Variants in CAND2 observed in about 807,000 individuals in gnomAD.
The protein encoded by CAND2 is cullin associated and neddylation dissociated 2 (putative).
Under a neutral mutation model 98.9 loss-of-function variants are expected in CAND2, and 62 were observed. That is an observed-to-expected ratio of 0.63 (90% CI 0.51 to 0.77). The LOEUF is 0.77. Ranked by LOEUF, CAND2 falls within the 30% of genes least tolerant of loss-of-function variation. The pLI is 0.00. For synonymous variants in CAND2, 770 were observed against 731.9 expected, an observed-to-expected ratio of 1.05 and a Z score of -0.84; for missense variants, 1,501 against 1,655.2, an observed-to-expected ratio of 0.91 and a Z score of 1.62.
In CAND2 at chr3:12,820,146, C is replaced by G. The variant is rs1361390900; in HGVS notation, c.3005C>G (p.Pro1002Arg). The change falls in exon 11 of 15, where the codon CCC becomes CGC. Residue 1002 changes from proline (P) to arginine (R), a missense_variant. Around this residue, in one of 3 missense-constraint regions of CAND2, gnomAD observed 1,427 missense variants for 1,545.3 expected, o/e 0.92. Transcript: ENST00000456430. Reference sequence around the variant, plus strand: ...GTCAAGTTCCTTATCTCGGACCAGCCCCATCCCATTGACCCCCTCCTGAAG... The same window carrying G: ...GTCAAGTTCCTTATCTCGGACCAGCGCCATCCCATTGACCCCCTCCTGAAG... ...TAVKFLISDQPHPIDPLLKSF... is the reference protein window; with the variant it reads ...TAVKFLISDQRHPIDPLLKSF... The G allele has an allele frequency of 2.5e-6, 4 of 1,614,176 alleles. No individual in the cohort carries two copies. Among genetic ancestry groups the G allele is most frequent in the Non-Finnish European group, 1.7e-6 (2 of 1,180,016 alleles).
intron 3 of CAND2, 58 bp from the exon 4 acceptor site, chr3:12,808,152 G>A: frequency 6.5e-7 from 1 of 1,541,698 alleles, no homozygotes; most frequent in Non-Finnish European, 8.8e-7. Flanking sequence ...GACTAGTGGT[G>A]GAGGCTGCCT....
At chr3:12,807,553 C>T (rs2124840890) in intron 3 of CAND2, 93 bp downstream of exon 3, 1 of 1,317,678 alleles carries the variant, frequency 7.6e-7, no homozygotes, top group African/African-American at 1.5e-5. Flanking sequence ...CACTGAGGCT[C>T]AGAGAGTTGA....
intron 4 of CAND2, chr3:12,809,771 G>T: frequency 2.9e-6 from 1 of 347,108 alleles, no homozygotes; most frequent in Non-Finnish European, 5.2e-6. Context: ...CCAAGAAATA[G>T]GGACAGCCTT....
chr3:12,803,402 C>A, intron 1 of CAND2, 86 bp from the exon 2 acceptor site: 2 of 1,317,746 alleles, frequency 1.5e-6, no homozygotes, highest in South Asian at 1.6e-5. Context: ...GTATTAAGGT[C>A]TACTTCTAGG....
At chr3:12,830,670 C>T (rs1190223873) in intron 13 of CAND2, among the ~76,000 whole-genome samples, 2 of 152,194 alleles carry the variant, frequency 1.3e-5, no homozygotes, top group Admixed American at 6.5e-5. Context: ...CACAGCTTTG[C>T]GTCATCAAGT....
intron 4 of CAND2, among the ~76,000 whole-genome samples, chr3:12,809,322 C>T (rs1180787361): frequency 6.6e-6 from 1 of 152,122 alleles, no homozygotes; most frequent in African/African-American, 2.4e-5. Context: ...ATGAGGGCAG[C>T]TCCCAGGATC....
Position 12,820,632 on chromosome 3 carries a change from G to A in CAND2, c.3040+451G>A, listed in dbSNP as rs149032536. On this transcript the variant is annotated intron_variant, in intron 11 of 14. Coordinates refer to ENST00000456430, the MANE Select transcript of CAND2 (RefSeq NM_001162499.2). ...CCCGGCCCCGCCTGTCCACTAGATC[G>A]CCCTCTGTCTGAGGGGCCTTCTGGC... Among the ~76,000 whole-genome samples the A allele has an allele frequency of 1.9e-4, 29 of 152,306 alleles. No homozygotes were observed. The East Asian group carries it at 4.6e-3, about 24-fold the overall frequency.
Position 12,815,213 on chromosome 3 carries a change from C to T in CAND2, c.1079C>T (p.Ala360Val). ...CGCCGGGCAGCTGCCAAGTGCATCG[C>T]AGCCTTGATCAGCTCGCGGCCTGAC... Reference protein sequence around the residue: ...KVRRAAAKCIAALISSRPDLL... With the variant: ...KVRRAAAKCIVALISSRPDLL... Residue 360 changes from alanine to valine, a missense_variant, in exon 8 of 15, where the codon GCA becomes GTA. By Grantham distance (64) the Ala-to-Val change is moderately conservative. Transcript: ENST00000456430. The surrounding 1 kb of genome is among the most constrained non-coding windows in gnomAD (Gnocchi z 5.7). 6.2e-7 allele frequency: 1 copy of T among 1,613,836 alleles called. No individual in the cohort carries two copies. Among genetic ancestry groups the T allele is most frequent in the Non-Finnish European group, 8.5e-7 (1 of 1,179,966 alleles).
chr3:12,805,218 G>C (rs899757491), intron 2 of CAND2, among the ~76,000 whole-genome samples: 2 of 152,114 alleles, frequency 1.3e-5, no homozygotes, highest in Admixed American at 6.5e-5. Context: ...ATACAGACAG[G>C]GGGTGTTGGG....
chr3:12,811,134 A>T (rs1340335052), intron 5 of CAND2, among the ~76,000 whole-genome samples: 1 of 147,934 alleles, frequency 6.8e-6, no homozygotes, highest in Non-Finnish European at 1.5e-5. Context: ...TGGGGGGGGG[A>T]ACCCCAGCTG....
chr3:12,817,677 G>A lies in CAND2; in HGVS notation c.2745G>A (p.Leu915=). 1.9e-6 allele frequency: 3 copies of A among 1,609,078 alleles called. No individual in the cohort carries two copies. Among genetic ancestry groups the A allele is most frequent in the Non-Finnish European group, 2.5e-6 (3 of 1,177,626 alleles). The change falls in exon 10 of 15, where the codon CTG becomes CTA. Residue 915 remains leucine (L), a synonymous_variant. Transcript: ENST00000456430. ...EAEPRRQYLL[L]HSLREALGAA... ...AGCCCCGACGACAGTACCTGCTGCT[G>A]CACTCACTCAGGGAGGCCCTGGGGG...
chr3:12,810,339 G>A lies in CAND2; in HGVS notation c.757+15G>A. 6.3e-6 allele frequency: 9 copies of A among 1,429,008 alleles called. No individual in the cohort carries two copies. The highest frequency in any genetic ancestry group is 8.2e-6 in the Non-Finnish European group (9 of 1,093,292). The allele number at this position is 1,429,008 out of a possible 1,614,324, so 88.5% of individuals were successfully genotyped here. On this transcript the variant is annotated intron_variant, in intron 5 of 14. Transcript: ENST00000456430. The stretch of plus-strand genomic sequence containing the variant: ...CCACCGCCTCGGTAAGGGGGCAGGG[G>A]GCGGGGCCTGGGCTGGCATGGTGGG...
chr3:12,813,180 T>G, intron 6 of CAND2, 66 bp from the exon 7 acceptor site: 7 of 1,595,646 alleles, frequency 4.4e-6, no homozygotes, highest in Non-Finnish European at 6.0e-6. Context: ...AGGACTCCCA[T>G]TGGGCCCTGT....
chr3:12,798,488 C>A (rs941268572), intron 1 of CAND2, among the ~76,000 whole-genome samples: 5 of 152,324 alleles, frequency 3.3e-5, no homozygotes, highest in African/African-American at 1.2e-4. Context: ...TGAATGTTCG[C>A]TGGGTCCCAG....
rs746205266 is a variant in CAND2, at chr3:12,833,892, C to T, written c.3621C>T (p.Ile1207=). The T allele has an allele frequency of 3.7e-6, 6 of 1,614,074 alleles. No homozygotes were observed. The highest frequency in any genetic ancestry group is 1.3e-5 in the African/African-American group (1 of 74,918). The stretch of plus-strand genomic sequence containing the variant: ...TCATGGCCGACTTCTCTTCCCAAAT[C>T]AGATCCAACCCTGAACTTGCTGCCC... ...SPIMADFSSQ[I]RSNPELAALF... The change falls in exon 15 of 15, where the codon ATC becomes ATT. Residue 1207 remains isoleucine (I), a synonymous_variant. Coordinates refer to ENST00000456430, the MANE Select transcript of CAND2 (RefSeq NM_001162499.2).
chr3:12,796,703 C>T lies in CAND2; in HGVS notation c.-18C>T, dbSNP rs1006433235. 7 of 1,566,080 alleles carry T rather than the reference C, an allele frequency of 4.5e-6. No homozygotes were observed. Among genetic ancestry groups the T allele is most frequent in the Non-Finnish European group, 5.2e-6 (6 of 1,156,144 alleles). On this transcript the variant is annotated 5_prime_UTR_variant, in exon 1 of 15. Coordinates refer to ENST00000456430, the MANE Select transcript of CAND2 (RefSeq NM_001162499.2). ...CCATATTCCCTCCCGCCGGCCGGCT[C>T]CGCGGCGCGCAGCCACCATGAGCAC... is the stretch of plus-strand genomic sequence containing the variant.
Position 12,810,081 on chromosome 3 carries a change from T to C in CAND2, c.514T>C (p.Phe172Leu). The C allele has an allele frequency of 6.9e-7, 1 of 1,443,742 alleles. No individual in the cohort carries two copies. Among genetic ancestry groups the C allele is most frequent in the Non-Finnish European group, 9.1e-7 (1 of 1,099,176 alleles). 89.4% of individuals were successfully genotyped at this position (1,443,742 alleles called of 1,614,324 possible). Residue 172 changes from phenylalanine to leucine, a missense_variant, in exon 5 of 15, where the codon TTC becomes CTC. By Grantham distance (22) the Phe-to-Leu change is conservative. Transcript: ENST00000456430. The part of the protein sequence containing the change: ...LSRLGVPLGA[F>L]HASLLHCLLP... ...CAGGCTGGGTGTCCCGCTGGGCGCC[T>C]TCCACGCCAGCCTCCTGCACTGTCT...
In CAND2 at chr3:12,816,993, C is replaced by T. The variant is rs1292326270; in HGVS notation, c.2061C>T (p.Leu687=). The T allele has an allele frequency of 1.2e-6, 2 of 1,612,968 alleles. No individual in the cohort carries two copies. The highest frequency in any genetic ancestry group is 1.7e-6 in the Non-Finnish European group (2 of 1,179,900). The stretch of plus-strand genomic sequence containing the variant: ...TGGCCCAGAGCCAGGGCCTCAGCCT[C>T]CCACCGTCTGCCGTGCAGGCCGTGC... The part of the protein sequence containing the change: ...DALAQSQGLS[L]PPSAVQAVLA... Residue 687 remains leucine (L), a synonymous_variant, in exon 10 of 15, where the codon CTC becomes CTT. Transcript: ENST00000456430.
chr3:12,814,179 C>T (rs889598415), intron 7 of CAND2, among the ~76,000 whole-genome samples: 2 of 152,192 alleles, frequency 1.3e-5, no homozygotes, highest in Admixed American at 6.5e-5. Context: ...GCCCGGTGGC[C>T]GTGGCCCACT....
Sources: gnomAD v4.1 joint callset for allele counts (sites outside exome capture counted in the v4.1 genomes callset) on GRCh38, gnomAD v4.1.1 for gene constraint, gnomAD v4.1.1 regional missense constraint, Gnocchi (gnomAD v3.1) non-coding constraint, MANE v1.5 for transcripts, NCBI Gene and HGNC (gene_info 2026-07-23, HGNC 2026-07-21) for gene names.